Variants in CD82 observed in about 807,000 individuals in gnomAD.
CD82 encodes CD82 antigen.
Under a neutral mutation model 37.4 loss-of-function variants are expected in CD82, and 36 were observed. The observed-to-expected ratio is 0.96, with a 90% CI of 0.74 to 1.27. CD82 has a LOEUF of 1.27. CD82 is among the 50% of genes most tolerant of loss of function. The pLI, the probability that CD82 is intolerant of heterozygous loss-of-function variation, is 0.00. For synonymous variants in CD82, 158 were observed against 137.4 expected, an observed-to-expected ratio of 1.15 and a Z score of -1.05; for missense variants, 340 against 347.0, an observed-to-expected ratio of 0.98 and a Z score of 0.16.
Position 44,605,435 on chromosome 11 carries a change from C to A in CD82, c.336+6C>A, listed in dbSNP as rs749003506. 3.7e-6 allele frequency: 6 copies of A among 1,613,336 alleles called. No homozygotes were observed. In the South Asian group the frequency reaches 6.6e-5, roughly 18 times the overall value. ...TCTACTTCAACATGGGCAAGGTAAG[C>A]CCCTCTCTCCCTCCCTCTTCACTGG... On this transcript the variant is annotated splice_donor_region_variant and intron_variant, in intron 6 of 9. Coordinates refer to ENST00000227155, the MANE Select transcript of CD82 (RefSeq NM_002231.4).
intron 2 of CD82, among the ~76,000 whole-genome samples, chr11:44,593,024 CA>C (rs1306139298): frequency 6.6e-6 from 1 of 152,164 alleles, no homozygotes; most frequent in Non-Finnish European, 1.5e-5. Context: ...CTTCCTGTAA[CA>C]AAGCTGTTAG....
intron 1 of CD82, among the ~76,000 whole-genome samples, chr11:44,573,871 G>A (rs1026428271): frequency 6.6e-6 from 1 of 152,160 alleles, no homozygotes; most frequent in African/African-American, 2.4e-5. Flanking sequence ...TCAGAGTCTT[G>A]GTTTTTATGA....
chr11:44,602,233 C>T (rs1335425945), intron 4 of CD82, among the ~76,000 whole-genome samples: 1 of 152,190 alleles, frequency 6.6e-6, no homozygotes, highest in African/African-American at 2.4e-5. Context: ...CAATGAAGAG[C>T]AGACTCTAGC....
At chr11:44,586,222 G>C (rs943595497) in intron 1 of CD82, among the ~76,000 whole-genome samples, 1 of 152,158 alleles carries the variant, frequency 6.6e-6, no homozygotes, top group Non-Finnish European at 1.5e-5. Context: ...ACAACTTTCA[G>C]AACTCCTAGG....
At chr11:44,613,040 T>C (rs1590349987) in intron 6 of CD82, among the ~76,000 whole-genome samples, 1 of 152,128 alleles carries the variant, frequency 6.6e-6, no homozygotes, top group East Asian at 1.9e-4. Context: ...GGACTGCCCA[T>C]GGGGAGCTGC....
chr11:44,565,337 G>A (rs1399430618), upstream of CD82, among the ~76,000 whole-genome samples: 1 of 152,180 alleles, frequency 6.6e-6, no homozygotes, highest in East Asian at 1.9e-4. Flanking sequence ...GAGCTGGGCG[G>A]GACCGTTAGG....
intron 6 of CD82, among the ~76,000 whole-genome samples, chr11:44,611,655 T>C (rs1438910416): frequency 6.6e-6 from 1 of 152,144 alleles, no homozygotes; most frequent in Non-Finnish European, 1.5e-5. Flanking sequence ...ATGAATGTCT[T>C]CTCCTGCTAC....
At chr11:44,618,612 G>A (rs946233956) in intron 8 of CD82, 28 bp from the exon 9 acceptor site, 10 of 1,581,058 alleles carry the variant, frequency 6.3e-6, no homozygotes, top group East Asian at 4.5e-5. Context: ...GCAGAGCGGG[G>A]TGATGTGACC....
chr11:44,620,279 G>T lies in CD82; in HGVS notation c.*1153G>T, dbSNP rs56028963. 0.035 allele frequency: 5,338 copies of T among 152,136 alleles called. 141 individuals carry two copies. Among genetic ancestry groups the T allele is most frequent in the Middle Eastern group, 0.057 (17 of 296 alleles). The allele number at this position is 152,136 out of a possible 1,614,324, so 9.4% of individuals were successfully genotyped here. A position where few individuals can be genotyped will look rare whatever the true frequency, so the allele number is the denominator to read the frequency against. On this transcript the variant is annotated 3_prime_UTR_variant, in exon 10 of 10. Coordinates refer to ENST00000227155, the MANE Select transcript of CD82 (RefSeq NM_002231.4). ...GTGGGTGAGGCTGTGCCTTGTAGGG[G>T]GAGAGGGGAGGGGGCTTTGTGTGCA...
intron 1 of CD82, among the ~76,000 whole-genome samples, chr11:44,570,302 C>T (rs1315601725): frequency 6.6e-6 from 1 of 152,220 alleles, no homozygotes; most frequent in African/African-American, 2.4e-5. Flanking sequence ...TTCCCAAGCC[C>T]CTCATTGCCC....
rs539412069 is a variant in CD82, at chr11:44,574,445, C to T, written c.-103+8709C>T. ...ATCCTGATCTTGCTTGTTGGAATTA[C>T]ACACAATGTGGAAACACCCTGGTGG... On this transcript the variant is annotated intron_variant, in intron 1 of 9. Coordinates refer to ENST00000227155, the MANE Select transcript of CD82 (RefSeq NM_002231.4). Among the ~76,000 whole-genome samples, 13 of 152,294 alleles carry T rather than the reference C, an allele frequency of 8.5e-5. No individual in the cohort carries two copies. The South Asian group carries it at 2.7e-3, about 32-fold the overall frequency.
At chr11:44,586,381 C>A (rs1345152810) in intron 1 of CD82, among the ~76,000 whole-genome samples, 1 of 152,192 alleles carries the variant, frequency 6.6e-6, no homozygotes, top group African/African-American at 2.4e-5. Flanking sequence ...CTGTGTGCAT[C>A]TTTCTAGGGA....
At chr11:44,579,644 A>G (rs1185426771) in intron 1 of CD82, among the ~76,000 whole-genome samples, 1 of 152,046 alleles carries the variant, frequency 6.6e-6, no homozygotes, top group African/African-American at 2.4e-5. Flanking sequence ...GAGCCCTGAC[A>G]GGCCCGGTTT....
intron 4 of CD82, among the ~76,000 whole-genome samples, chr11:44,604,268 A>G (rs1372436104): frequency 6.6e-6 from 1 of 152,232 alleles, no homozygotes; most frequent in Admixed American, 6.5e-5. Flanking sequence ...GCACCCAGTA[A>G]ACATTTCTTG....
chr11:44,570,333 T>C (rs866138731), intron 1 of CD82, among the ~76,000 whole-genome samples: 17 of 152,334 alleles, frequency 1.1e-4, no homozygotes, highest in Middle Eastern at 6.8e-3. Context: ...CCTCTGTGCT[T>C]GTCTACACTG....
chr11:44,618,024 A>G (rs1472261050), intron 7 of CD82, 138 bp from the exon 8 acceptor site: 4 of 671,250 alleles, frequency 6.0e-6, no homozygotes, highest in Admixed American at 2.8e-5. Flanking sequence ...CTTGTAGTTT[A>G]TGATGGTTCG....
chr11:44,564,544 G>A (rs1440507043), upstream of CD82: 5 of 455,318 alleles, frequency 1.1e-5, no homozygotes, highest in Admixed American at 9.4e-5. Flanking sequence ...TGGGAGGGCA[G>A]AGGGCTGGGA....
intron 1 of CD82, among the ~76,000 whole-genome samples, chr11:44,580,055 G>A (rs1471868943): frequency 2.0e-5 from 3 of 152,186 alleles, no homozygotes; most frequent in Non-Finnish European, 4.4e-5. Flanking sequence ...AGACAGGTGA[G>A]GGAGAAGAAC....
intron 6 of CD82, among the ~76,000 whole-genome samples, chr11:44,613,628 G>GC (rs1303046086): frequency 6.6e-6 from 1 of 152,096 alleles, no homozygotes; most frequent in East Asian, 1.9e-4. Flanking sequence ...TTCGAGACCA[G>GC]CCCGGGCAAC....
Sources: allele counts gnomAD v4.1 joint callset (sites outside exome capture counted in the v4.1 genomes callset), GRCh38; gene constraint gnomAD v4.1.1; transcripts MANE v1.5; gene names NCBI Gene and HGNC (gene_info 2026-07-23, HGNC 2026-07-21).